The following ADAM22 variants were observed in gnomAD, a reference collection of about 807,000 sequenced individuals.
ADAM22 encodes the protein disintegrin and metalloproteinase domain-containing protein 22.
A neutral mutation model predicts 144.6 loss-of-function variants in ADAM22; 65 were observed. The observed-to-expected ratio is 0.45, with a 90% CI of 0.37 to 0.55. The LOEUF (loss-of-function observed/expected upper bound fraction) is 0.55. ADAM22 is among the 20% of genes least tolerant of loss of function. The pLI, the probability that ADAM22 is intolerant of heterozygous loss-of-function variation, is 0.00. For synonymous variants in ADAM22, 391 were observed against 412.6 expected (o/e 0.95, Z 0.63); for missense variants, 974 against 1,184.9 (o/e 0.82, Z 2.61).
chr7:87,940,009 A>G (rs971628846), intron 2 of ADAM22, among the ~76,000 whole-genome samples: 1 of 151,854 alleles, frequency 6.6e-6, no homozygotes, highest in Non-Finnish European at 1.5e-5. Context: ...CCTGACCAAT[A>G]TGGTGAAACC....
At chr7:88,069,098 CCT>C (rs1812043171) in intron 3 of ADAM22, among the ~76,000 whole-genome samples, 1 of 151,806 alleles carries the variant, frequency 6.6e-6, no homozygotes, top group South Asian at 2.1e-4. Flanking sequence ...GTGCTCTCCC[CCT>C]CTCTCTCTGG....
intron 5 of ADAM22, among the ~76,000 whole-genome samples, chr7:88,113,611 T>A (rs1205100056): frequency 6.9e-6 from 1 of 145,536 alleles, no homozygotes; most frequent in African/African-American, 2.5e-5. Flanking sequence ...TTCACCTGAT[T>A]ATTTTCTTCC....
intron 2 of ADAM22, among the ~76,000 whole-genome samples, chr7:87,967,539 G>C (rs1053735599): frequency 1.3e-5 from 2 of 151,998 alleles, no homozygotes; most frequent in Non-Finnish European, 2.9e-5. Context: ...GGCTGGGCAT[G>C]GTGGCTCATG....
intron 3 of ADAM22, among the ~76,000 whole-genome samples, chr7:88,008,669 A>G (rs923692961): frequency 2.0e-5 from 3 of 151,750 alleles, no homozygotes; most frequent in African/African-American, 7.3e-5. Flanking sequence ...CAAACACCAC[A>G]TGTTCTCACT....
chr7:88,092,918 G>A lies in ADAM22; in HGVS notation c.391-15258G>A, dbSNP rs540420710. ...TAAGCTCTGTTTGTAACCTATTTGA[G>A]TAGAAAGTCCTTTATTTTCTTTCTG... On this transcript the variant is annotated intron_variant, in intron 4 of 31. Transcript: ENST00000413139. 2.3e-3 allele frequency among the ~76,000 whole-genome samples: 342 copies of A among 151,626 alleles called. 1 individual carries two copies. The highest frequency in any genetic ancestry group is 4.3e-3 in the Non-Finnish European group (293 of 67,956).
chr7:88,066,948 G>C (rs543223338), intron 3 of ADAM22, among the ~76,000 whole-genome samples: 1 of 152,008 alleles, frequency 6.6e-6, no homozygotes, highest in Non-Finnish European at 1.5e-5. Context: ...TTGGTGAAGC[G>C]GTGTGGTGAA....
intron 30 of ADAM22, among the ~76,000 whole-genome samples, chr7:88,188,932 A>T (rs1848956535): frequency 6.6e-6 from 1 of 152,192 alleles, no homozygotes; most frequent in African/African-American, 2.4e-5. Flanking sequence ...GGGCTCAAGC[A>T]ATCCACCTGC....
intron 31 of ADAM22, among the ~76,000 whole-genome samples, chr7:88,193,571 A>G (rs780829235): frequency 6.6e-6 from 1 of 152,198 alleles, no homozygotes; most frequent in Non-Finnish European, 1.5e-5. Flanking sequence ...CTGTCTCACA[A>G]CATTCCTGAA....
chr7:87,954,753 C>A (rs1247768394), intron 2 of ADAM22, among the ~76,000 whole-genome samples: 1 of 152,196 alleles, frequency 6.6e-6, no homozygotes, highest in Non-Finnish European at 1.5e-5. Context: ...AACTTGGTTC[C>A]ATTCTCCCCA....
chr7:88,135,264 C>T (rs939643584), intron 13 of ADAM22, among the ~76,000 whole-genome samples: 7 of 107,434 alleles, frequency 6.5e-5, no homozygotes, highest in African/African-American at 2.8e-4. Flanking sequence ...GGCCACAGAG[C>T]GAGACTCCAT....
chr7:88,139,733 C>T (rs1398739256), intron 14 of ADAM22, among the ~76,000 whole-genome samples: 2 of 149,818 alleles, frequency 1.3e-5, no homozygotes, highest in African/African-American at 2.5e-5. Flanking sequence ...GCAGTGTATC[C>T]CTGAGCTGGA....
intron 4 of ADAM22, among the ~76,000 whole-genome samples, chr7:88,092,427 C>T (rs1277291452): frequency 1.3e-5 from 2 of 152,194 alleles, no homozygotes; most frequent in Non-Finnish European, 2.9e-5. Context: ...AGATATGTTT[C>T]CTAACTTTAC....
chr7:87,958,363 A>T (rs1029050617), intron 2 of ADAM22, among the ~76,000 whole-genome samples: 1 of 151,964 alleles, frequency 6.6e-6, no homozygotes, highest in Non-Finnish European at 1.5e-5. Context: ...ATAAGACTTT[A>T]AAGTTTTTTT....
intron 15 of ADAM22, among the ~76,000 whole-genome samples, chr7:88,143,387 G>T (rs1469878898): frequency 6.6e-6 from 1 of 152,130 alleles, no homozygotes; most frequent in Non-Finnish European, 1.5e-5. Flanking sequence ...ATAGCCAAGT[G>T]ATGATTCAGA....
intron 4 of ADAM22, among the ~76,000 whole-genome samples, chr7:88,085,645 A>G (rs1168312073): frequency 2.6e-5 from 4 of 152,240 alleles, no homozygotes; most frequent in African/African-American, 7.2e-5. Context: ...AAATTCACAT[A>G]AAACATGTAT....
intron 3 of ADAM22, among the ~76,000 whole-genome samples, chr7:88,027,869 G>A (rs1050963451): frequency 6.6e-6 from 1 of 150,714 alleles, no homozygotes; most frequent in East Asian, 1.9e-4. Flanking sequence ...TTGGCTCACT[G>A]CAACCCTACC....
intron 14 of ADAM22, among the ~76,000 whole-genome samples, chr7:88,137,751 C>T (rs1039304667): frequency 6.6e-6 from 1 of 152,142 alleles, no homozygotes; most frequent in Non-Finnish European, 1.5e-5. Flanking sequence ...TTTGTACAAA[C>T]TTGATTTTCA....
chr7:88,048,552 G>A (rs767233522), intron 3 of ADAM22, among the ~76,000 whole-genome samples: 1 of 151,952 alleles, frequency 6.6e-6, no homozygotes, highest in Admixed American at 6.6e-5. Flanking sequence ...AATATTCTTT[G>A]ATTCTGGAAA....
chr7:88,066,940 G>A (rs1235758601), intron 3 of ADAM22, among the ~76,000 whole-genome samples: 3 of 152,098 alleles, frequency 2.0e-5, no homozygotes, highest in African/African-American at 7.2e-5. Flanking sequence ...ATACAGTTTT[G>A]GTGAAGCGGT....
Sources: allele counts gnomAD v4.1 joint callset (sites outside exome capture counted in the v4.1 genomes callset), GRCh38; gene constraint gnomAD v4.1.1; transcripts MANE v1.5; gene names NCBI Gene and HGNC (gene_info 2026-07-23, HGNC 2026-07-21).